Variants in STXBP2 observed in about 807,000 individuals in gnomAD.
STXBP2 encodes the protein syntaxin-binding protein 2.
STXBP2 carries 47 observed loss-of-function variants against 72.2 expected under a neutral mutation model. That is an observed-to-expected ratio of 0.65 (90% CI 0.51 to 0.83). STXBP2 has a LOEUF of 0.83. STXBP2 is among the 40% of genes least tolerant of loss of function. The pLI, the probability that STXBP2 is intolerant of heterozygous loss-of-function variation, is 0.00. For missense variants in STXBP2, 702 were observed against 807.6 expected, an observed-to-expected ratio of 0.87 and a Z score of 1.58; for synonymous variants, 367 against 338.7, an observed-to-expected ratio of 1.08 and a Z score of -0.92.
upstream of STXBP2, among the ~76,000 whole-genome samples, chr19:7,634,469 C>T (rs1346860446): frequency 2.0e-5 from 3 of 152,200 alleles, no homozygotes; most frequent in African/African-American, 7.2e-5. Flanking sequence ...TACGTGTATC[C>T]CTTTCCTAGG....
Position 7,643,019 on chromosome 19 carries a change from A to G in STXBP2, c.997A>G (p.Met333Val). 1 of 1,614,158 alleles carries G rather than the reference A, an allele frequency of 6.2e-7. No individual in the cohort carries two copies. Among genetic ancestry groups the G allele is most frequent in the South Asian group, 1.1e-5 (1 of 91,082 alleles). The change falls in exon 12 of 19, where the codon ATG becomes GTG. Residue 333 changes from methionine to valine, a missense_variant. By Grantham distance (21) the Met-to-Val change is conservative. Transcript: ENST00000221283. ...IKDLSQILKK[M>V]PQYQKELNKY... ...AGACCTATCCCAGATCCTGAAAAAG[A>G]TGCCGCAGTACCAGAAGGAGCTGAA...
In STXBP2 at chr19:7,646,257, G is replaced by T; in HGVS notation, c.1365G>T (p.Gly455=). The part of the protein sequence containing the change: ...GGTVTNPGGS[G]TSSRLEPRER... The stretch of plus-strand genomic sequence containing the variant: ...CCCTGCCCTGCCTGTAGGGCTCGGG[G>T]ACCTCCAGCCGGCTGGAGCCGAGAG... Residue 455 remains glycine, a synonymous_variant, in exon 16 of 19, where the codon GGG becomes GGT. Coordinates refer to ENST00000221283, the MANE Select transcript of STXBP2 (RefSeq NM_006949.4). 1 of 1,605,556 alleles carries T rather than the reference G, an allele frequency of 6.2e-7. No individual in the cohort carries two copies.
In STXBP2 at chr19:7,642,666, C is replaced by A. The variant is rs945127166; in HGVS notation, c.903-100C>A. 6.8e-7 allele frequency: 1 copy of A among 1,476,556 alleles called. No individual in the cohort carries two copies. The highest frequency in any genetic ancestry group is 9.4e-7 in the Non-Finnish European group (1 of 1,062,986). 91.5% of individuals were successfully genotyped at this position (1,476,556 alleles called of 1,614,324 possible). A position where few individuals can be genotyped will look rare whatever the true frequency, so the allele number is the denominator to read the frequency against. ...CCCTCGTGTGACTCCAGACTGGCCT[C>A]CAATTTCACCCCACCTCTCCCTGTC... is the stretch of plus-strand genomic sequence containing the variant. On this transcript the variant is annotated intron_variant, in intron 10 of 18. Coordinates refer to ENST00000221283, the MANE Select transcript of STXBP2 (RefSeq NM_006949.4). The surrounding 1 kb of genome is among the most constrained non-coding windows in gnomAD (Gnocchi z 6.0).
At chr19:7,645,827 ATCTC>A (rs977000309) in intron 15 of STXBP2, 6 of 274,840 alleles carry the variant, frequency 2.2e-5, no homozygotes, top group African/African-American at 4.9e-5. Flanking sequence ...GTTTCTCCAT[ATCTC>A]TCTCTCTCAC....
chr19:7,630,689 A>G, the STXBP2 span: 1 of 1,533,890 alleles, frequency 6.5e-7, no homozygotes, highest in Non-Finnish European at 8.7e-7. Context: ...TTGAGGGTTC[A>G]TTCCAGGGGT....
intron 4 of STXBP2, chr19:7,640,512 G>A (rs535448765): frequency 1.0e-3 from 704 of 677,042 alleles, no homozygotes; most frequent in Non-Finnish European, 1.6e-3. Flanking sequence ...GTGTGTGTGT[G>A]CATGTGTGCA....
chr19:7,639,752 G>A lies in STXBP2; in HGVS notation c.191G>A (p.Arg64Gln), dbSNP rs750099959. 11 of 1,613,370 alleles carry A rather than the reference G, an allele frequency of 6.8e-6. No homozygotes were observed. Among genetic ancestry groups the A allele is most frequent in the South Asian group, 3.3e-5 (3 of 91,040 alleles). The change falls in exon 4 of 19, where the codon CGG becomes CAG. Residue 64 changes from arginine (R) to glutamine (Q), a missense_variant. Physicochemically the swap from Arg to Gln is conservative, Grantham distance 43. Transcript: ENST00000221283. ...CTAGTTGTTGAAGACATCAACAAAC[G>A]GCGGGAACCCATTCCCAGTCTGGAG... ...GITIVEDINK[R>Q]REPIPSLEAI...
At chr19:7,647,569 T>C (rs1050051047) in intron 18 of STXBP2, 58 bp downstream of exon 18, 2 of 1,576,898 alleles carry the variant, frequency 1.3e-6, no homozygotes, top group Non-Finnish European at 1.7e-6. Flanking sequence ...GGGCCTGGGC[T>C]TGTACCTTCT....
chr19:7,634,029 C>G (rs953923843), upstream of STXBP2: 2 of 152,624 alleles, frequency 1.3e-5, no homozygotes, highest in Non-Finnish European at 2.9e-5. Context: ...TCCCAGCCAC[C>G]CTTCCTTCAA....
At chr19:7,633,401 TCTCAC>T, upstream of STXBP2, 2 of 1,566,110 alleles carry the variant, frequency 1.3e-6, no homozygotes, top group Non-Finnish European at 1.7e-6. Flanking sequence ...GGCAGGGCCC[TCTCAC>T]CTCGGCACAG....
At position 7,642,541 on chromosome 19, in the gene STXBP2, G is replaced by A. The variant is rs768725365; in HGVS notation, c.902+5G>A. On this transcript the variant is annotated splice_donor_5th_base_variant and intron_variant, in intron 10 of 18. Transcript: ENST00000221283. The surrounding 1 kb of genome is among the most constrained non-coding windows in gnomAD (Gnocchi z 6.0). ...GCATATCGCAGATGTGTCCAAGTGC[G>A]TGCACACGGGGACCGGATCCCCCCC... The A allele has an allele frequency of 2.0e-5, 32 of 1,613,376 alleles. No homozygotes were observed. Among genetic ancestry groups the A allele is most frequent in the Non-Finnish European group, 2.6e-5 (31 of 1,179,776 alleles).
Position 7,641,695 on chromosome 19 carries a change from C to T in STXBP2, c.430-10C>T, listed in dbSNP as rs953222396. Reference sequence around the variant, plus strand: ...GGCAACCCTGGTGCTTCTGTCCCCTCCTCGCCCAGGTGTTCTCCCTCGATG... The same window carrying T: ...GGCAACCCTGGTGCTTCTGTCCCCTTCTCGCCCAGGTGTTCTCCCTCGATG... On this transcript the variant is annotated splice_polypyrimidine_tract_variant and intron_variant, in intron 6 of 18. Transcript: ENST00000221283. The T allele has an allele frequency of 4.5e-6, 7 of 1,551,950 alleles. No individual in the cohort carries two copies. The African/African-American group carries it at 9.6e-5, about 21-fold the overall frequency.
chr19:7,643,130 T>C (rs1029863462), intron 12 of STXBP2, 35 bp from the exon 13 acceptor site: 2 of 1,613,694 alleles, frequency 1.2e-6, no homozygotes, highest in Non-Finnish European at 1.7e-6. Flanking sequence ...GACTCAGCCT[T>C]TGTTATCCCC....
the STXBP2 span, chr19:7,631,538 C>T: frequency 3.6e-5 from 56 of 1,535,960 alleles, no homozygotes; most frequent in Middle Eastern, 3.6e-4. Context: ...TCCTTCGCGA[C>T]GCCCAGCAGA....
Position 7,646,298 on chromosome 19 carries a change from C to A in STXBP2, c.1406C>A (p.Thr469Asn). Residue 469 changes from threonine to asparagine, a missense_variant, in exon 16 of 19, where the codon ACC (threonine) becomes AAC (asparagine). Transcript: ENST00000221283. ...RLEPRERMEP[T>N]YQLSRWTPVI... ...GAGCCGAGAGAACGCATGGAGCCCA[C>A]CTATCAGCTGTCCCGCTGGACCCCG... The A allele has an allele frequency of 1.2e-6, 2 of 1,611,806 alleles. No homozygotes were observed. Among genetic ancestry groups the A allele is most frequent in the Non-Finnish European group, 1.7e-6 (2 of 1,179,302 alleles).
At chr19:7,630,305 G>T in the STXBP2 span, 1 of 532,684 alleles carries the variant, frequency 1.9e-6, no homozygotes, top group Non-Finnish European at 3.4e-6. Context: ...AGATGCTTTT[G>T]ATTGTAGCTG....
At chr19:7,645,176 C>T (rs892662484) in intron 14 of STXBP2, 21 bp from the exon 15 acceptor site, 2 of 1,552,644 alleles carry the variant, frequency 1.3e-6, no homozygotes, top group African/African-American at 2.7e-5. Flanking sequence ...CGCCTCCACC[C>T]TGCCCATTCC....
upstream of STXBP2, chr19:7,633,463 T>C (rs2031420548): frequency 1.3e-6 from 2 of 1,574,086 alleles, no homozygotes; most frequent in Non-Finnish European, 1.7e-6. Flanking sequence ...ATCATGTCCC[T>C]GGACTCCAGT....
upstream of STXBP2, chr19:7,632,357 C>A (rs148587333): frequency 5.0e-6 from 8 of 1,611,486 alleles, no homozygotes; most frequent in Non-Finnish European, 6.8e-6. The surrounding 1 kb of genome is among the most constrained non-coding windows in gnomAD (Gnocchi z 5.2). Flanking sequence ...CACTGCCTGG[C>A]GGGTTTCTCC....
Sources: gnomAD v4.1 joint callset for allele counts (sites outside exome capture counted in the v4.1 genomes callset) on GRCh38, gnomAD v4.1.1 for gene constraint, Gnocchi (gnomAD v3.1) non-coding constraint, MANE v1.5 for transcripts, NCBI Gene and HGNC (gene_info 2026-07-23, HGNC 2026-07-21) for gene names.